Variants in KMT2A observed in about 807,000 individuals in gnomAD.
KMT2A encodes the protein lysine methyltransferase 2A, also known as histone-lysine N-methyltransferase 2A.
KMT2A carries 16 observed loss-of-function variants against 345.3 expected under a neutral mutation model. The ratio of observed to expected loss-of-function variants is 0.05; its 90% confidence interval spans 0.03 to 0.07. The LOEUF is 0.07. Among genes scored for constraint, KMT2A ranks in the 10% least tolerant of loss-of-function variants. The pLI is 1.00. For synonymous variants in KMT2A, 1,599 were observed against 1,778.6 expected (o/e 0.90, Z 2.54); for missense variants, 3,272 against 4,841.6 (o/e 0.68, Z 9.62).
rs1433330577 is a variant in KMT2A, at chr11:118,439,563, G to T, written c.432+2619G>T. ...ATCACTTTTAAAGTTTTAATCAGGG[G>T]CTAAACGTTTTCTTATCTACTGGCA... On this transcript the variant is annotated intron_variant, in intron 1 of 35. Coordinates refer to ENST00000534358, the MANE Select transcript of KMT2A (RefSeq NM_001197104.2). Among the ~76,000 whole-genome samples, 5 of 152,150 alleles carry T rather than the reference G, an allele frequency of 3.3e-5. No individual in the cohort carries two copies. The East Asian group carries it at 9.6e-4, about 29-fold the overall frequency.
chr11:118,472,055 T>C lies in KMT2A; in HGVS notation c.896T>C (p.Ile299Thr), dbSNP rs782348394. The C allele has an allele frequency of 1.9e-6, 3 of 1,613,580 alleles. No individual in the cohort carries two copies. In the South Asian group the frequency reaches 3.3e-5, roughly 18 times the overall value. ...CAAATAGGAAGGAAGGGGGTACAAA[T>C]TGTACGACGGAGAGGAAGGCCTCCA... ...KLQIGRKGVQ[I>T]VRRRGRPPST... Residue 299 changes from isoleucine to threonine, a missense_variant, in exon 3 of 36, where the codon ATT becomes ACT. Physicochemically the swap from Ile to Thr is moderately conservative, Grantham distance 89 (BLOSUM62 -1). Coordinates refer to ENST00000534358, the MANE Select transcript of KMT2A (RefSeq NM_001197104.2).
chr11:118,473,006 C>A lies in KMT2A; in HGVS notation c.1847C>A (p.Thr616Lys). ...CGAAAATCTATTTTGCGAGAACCGA[C>A]ATTTAGGTGGACTTCTTTAAAGCAT... ...GKRKSILREP[T>K]FRWTSLKHSR... Residue 616 changes from threonine (T) to lysine (K), a missense_variant, in exon 3 of 36, where the codon ACA (threonine) becomes AAA (lysine). Physicochemically the swap from Thr to Lys is moderately conservative, Grantham distance 78 (BLOSUM62 -1). Transcript: ENST00000534358. This position sits in a 1 kb window ranked among gnomAD's most constrained non-coding sequence, Gnocchi z 5.2. 1 of 1,614,198 alleles carries A rather than the reference C, an allele frequency of 6.2e-7. No individual in the cohort carries two copies. The highest frequency in any genetic ancestry group is 8.5e-7 in the Non-Finnish European group (1 of 1,180,044).
Position 118,520,098 on chromosome 11 carries a change from T to C in KMT2A, c.11429+34T>C. 1 of 1,402,980 alleles carries C rather than the reference T, an allele frequency of 7.1e-7. No individual in the cohort carries two copies. The highest frequency in any genetic ancestry group is 1.2e-5 in the South Asian group (1 of 85,096). 86.9% of individuals were successfully genotyped at this position (1,402,980 alleles called of 1,614,324 possible). A position where few individuals can be genotyped will look rare whatever the true frequency, so the allele number is the denominator to read the frequency against. On this transcript the variant is annotated intron_variant, in intron 33 of 35. Coordinates refer to ENST00000534358, the MANE Select transcript of KMT2A (RefSeq NM_001197104.2). This position sits in a 1 kb window ranked among gnomAD's most constrained non-coding sequence, Gnocchi z 4.3. ...TGAGTGGGGAGCAGTCATTAGAAAC[T>C]GCTTTCCCTCTCCTCCAGCTGGTCA... is the stretch of plus-strand genomic sequence containing the variant.
intron 10 of KMT2A, among the ~76,000 whole-genome samples, chr11:118,485,414 G>GAAAT (rs1555040601): frequency 6.6e-6 from 1 of 152,090 alleles, no homozygotes; most frequent in South Asian, 2.1e-4. Flanking sequence ...CACAAAATTA[G>GAAAT]AAATAAATAC....
chr11:118,505,964 A>G lies in KMT2A; in HGVS notation c.10072A>G (p.Ser3358Gly), dbSNP rs782669781. ...SMQTTTTPTS[S>G]ASVPGHVTLT... is the part of the protein sequence containing the mutation. Reference sequence around the variant, plus strand: ...GCAAACTACCACAACCCCTACAAGTAGTGCGTCAGTTCCAGGACACGTCAC... The same window carrying G: ...GCAAACTACCACAACCCCTACAAGTGGTGCGTCAGTTCCAGGACACGTCAC... The change falls in exon 27 of 36, where the codon AGT (serine) becomes GGT (glycine). Residue 3358 changes from serine (S) to glycine (G), a missense_variant. Ser to Gly is a moderately conservative substitution (Grantham distance 56). Coordinates refer to ENST00000534358, the MANE Select transcript of KMT2A (RefSeq NM_001197104.2). The surrounding 1 kb of genome is among the most constrained non-coding windows in gnomAD (Gnocchi z 4.6). 2 of 1,614,156 alleles carry G rather than the reference A, an allele frequency of 1.2e-6. No homozygotes were observed. The highest frequency in any genetic ancestry group is 2.2e-5 in the East Asian group (1 of 44,876).
chr11:118,439,167 A>G (rs782571190), intron 1 of KMT2A: 15 of 405,210 alleles, frequency 3.7e-5, no homozygotes, highest in Admixed American at 7.1e-5. Context: ...GCAAAAAAAA[A>G]AAAAAAGAAA....
chr11:118,513,034 T>G (rs1055475888), intron 31 of KMT2A, among the ~76,000 whole-genome samples: 39 of 151,726 alleles, frequency 2.6e-4, no homozygotes, highest in Non-Finnish European at 5.2e-4. Context: ...AGGCCAGGAG[T>G]TCAAGACCAG....
At chr11:118,516,208 T>C (rs1253607542) in intron 31 of KMT2A, among the ~76,000 whole-genome samples, 2 of 152,124 alleles carry the variant, frequency 1.3e-5, no homozygotes, top group Non-Finnish European at 2.9e-5. Flanking sequence ...ATGAAGAAGA[T>C]AACATGGGGA....
rs1425559844 is a variant in KMT2A, at chr11:118,526,298, G to A, written c.*4126G>A. On this transcript the variant is annotated 3_prime_UTR_variant, in exon 36 of 36. Transcript: ENST00000534358. ...CTCTATTTTTGGTTATGAATGTTGG[G>A]GTTACCACCTGCATTTAGGGGAAAA... The A allele has an allele frequency of 8.9e-6, 2 of 223,844 alleles. No homozygotes were observed. The highest frequency in any genetic ancestry group is 4.5e-5 in the African/African-American group (2 of 44,772). 13.9% of individuals were successfully genotyped at this position (223,844 alleles called of 1,614,324 possible). A position where few individuals can be genotyped will look rare whatever the true frequency, so the allele number is the denominator to read the frequency against.
chr11:118,506,185 G>C lies in KMT2A; in HGVS notation c.10293G>C (p.Val3431=), dbSNP rs199659721. Residue 3431 remains valine, a synonymous_variant, in exon 27 of 36, where the codon GTG becomes GTC. Coordinates refer to ENST00000534358, the MANE Select transcript of KMT2A (RefSeq NM_001197104.2). ...AAITAASSIC[V]LPSTQTTGIT... ...TAACAGCGGCATCTAGCATCTGTGT[G>C]CTCCCCTCCACTCAGACTACGGGCA... is the stretch of plus-strand genomic sequence containing the variant. The C allele has an allele frequency of 1.9e-6, 3 of 1,614,140 alleles. No homozygotes were observed. The Admixed American group carries it at 5.0e-5, about 27-fold the overall frequency.
intron 1 of KMT2A, among the ~76,000 whole-genome samples, chr11:118,455,584 T>G (rs1278256494): frequency 6.6e-6 from 1 of 152,184 alleles, no homozygotes; most frequent in Non-Finnish European, 1.5e-5. Context: ...CTACTCTGGC[T>G]ACCCCTTTTC....
At chr11:118,507,827 A>C in intron 28 of KMT2A, 2 of 433,858 alleles carry the variant, frequency 4.6e-6, no homozygotes, top group Non-Finnish European at 8.6e-6. Context: ...GCCGGGCGTG[A>C]TGGCGGGCGC....
intron 1 of KMT2A, among the ~76,000 whole-genome samples, chr11:118,462,753 AGGGTTT>A (rs1565272385): frequency 3.3e-5 from 5 of 152,058 alleles, no homozygotes; most frequent in African/African-American, 1.2e-4. Flanking sequence ...TAGTAGAGAC[AGGGTTT>A]CACCGTGTTA....
chr11:118,454,323 C>T (rs1334446250), intron 1 of KMT2A, among the ~76,000 whole-genome samples: 2 of 152,226 alleles, frequency 1.3e-5, no homozygotes, highest in Non-Finnish European at 2.9e-5. Context: ...CTCTTCTCAT[C>T]TCATCCATTC....
At chr11:118,516,048 G>T (rs918501034) in intron 31 of KMT2A, among the ~76,000 whole-genome samples, 11 of 152,092 alleles carry the variant, frequency 7.2e-5, no homozygotes, top group African/African-American at 2.7e-4. Flanking sequence ...TAATCATCTG[G>T]GGTGGAAGGT....
At position 118,506,437 on chromosome 11, in the gene KMT2A, T is replaced by A. The variant is rs782373846; in HGVS notation, c.10545T>A (p.Pro3515=). Residue 3515 remains proline (P), a synonymous_variant, in exon 27 of 36, where the codon CCT becomes CCA. Transcript: ENST00000534358. ...SSAVQASPTS[P]GGSPSSPSSG... ...CTGTGCAAGCCAGCCCCACCTCTCCTGGGGGTTCTCCATCCTCTCCATCTT... is the reference window on the plus strand; with the variant it reads ...CTGTGCAAGCCAGCCCCACCTCTCCAGGGGGTTCTCCATCCTCTCCATCTT... 6.2e-7 allele frequency: 1 copy of A among 1,614,150 alleles called. No individual in the cohort carries two copies. The highest frequency in any genetic ancestry group is 2.2e-5 in the East Asian group (1 of 44,892).
chr11:118,475,205 A>G (rs1950014096), intron 3 of KMT2A, among the ~76,000 whole-genome samples: 1 of 152,192 alleles, frequency 6.6e-6, no homozygotes, highest in African/African-American at 2.4e-5. Flanking sequence ...CAGGAAAGCT[A>G]TAGAATTCAG....
At chr11:118,442,658 TAGAA>T (rs1479196262) in intron 1 of KMT2A, among the ~76,000 whole-genome samples, 1 of 152,212 alleles carries the variant, frequency 6.6e-6, no homozygotes, top group Non-Finnish European at 1.5e-5. Flanking sequence ...AACTTTTGAT[TAGAA>T]AGACTTTAGG....
intron 10 of KMT2A, among the ~76,000 whole-genome samples, chr11:118,486,611 GCCTGTAAT>G (rs1363940142): frequency 1.3e-5 from 2 of 152,036 alleles, no homozygotes; most frequent in Admixed American, 1.3e-4. Context: ...AGTGGCTCAC[GCCTGTAAT>G]CCCAGTACTT....
Sources: gnomAD v4.1 joint callset for allele counts (sites outside exome capture counted in the v4.1 genomes callset) on GRCh38, gnomAD v4.1.1 for gene constraint, Gnocchi (gnomAD v3.1) non-coding constraint, MANE v1.5 for transcripts, NCBI Gene and HGNC (gene_info 2026-07-23, HGNC 2026-07-21) for gene names.